The following ANTXR1 variants were observed in gnomAD, a reference collection of about 807,000 sequenced individuals.
The protein encoded by ANTXR1 is anthrax toxin receptor 1.
A neutral mutation model predicts 78.1 loss-of-function variants in ANTXR1; 19 were observed. The ratio of observed to expected loss-of-function variants is 0.24; its 90% confidence interval spans 0.17 to 0.36. The LOEUF is 0.36. Among genes scored for constraint, ANTXR1 ranks in the 10% least tolerant of loss-of-function variants. ANTXR1 has a pLI of 1.00. For missense variants in ANTXR1, 518 were observed against 718.6 expected (o/e 0.72, Z 3.19); for synonymous variants, 273 against 260.5 (o/e 1.05, Z -0.46).
chr2:69,180,108 T>C (rs1044912298), intron 14 of ANTXR1, among the ~76,000 whole-genome samples: 1 of 152,228 alleles, frequency 6.6e-6, no homozygotes, highest in Non-Finnish European at 1.5e-5. Flanking sequence ...AAGCACAACA[T>C]GTAACTCAGG....
At chr2:69,075,499 A>C in intron 6 of ANTXR1, 91 bp from the exon 7 acceptor site, 1 of 1,234,558 alleles carries the variant, frequency 8.1e-7, no homozygotes, top group Non-Finnish European at 1.2e-6. Flanking sequence ...TGCTCATTAA[A>C]TACCTCATCA....
intron 12 of ANTXR1, chr2:69,146,288 T>C (rs1170234424): frequency 1.0e-6 from 1 of 985,326 alleles, no homozygotes; most frequent in East Asian, 1.1e-4. Context: ...CCAGCTCCAG[T>C]TGCTCATCTG....
At chr2:69,215,341 A>G (rs1253983694) in intron 17 of ANTXR1, among the ~76,000 whole-genome samples, 2 of 152,244 alleles carry the variant, frequency 1.3e-5, no homozygotes, top group African/African-American at 2.4e-5. Flanking sequence ...TATAGCCTTC[A>G]TCTGGCTGAA....
At chr2:69,047,984 T>C (rs1669822143) in intron 3 of ANTXR1, among the ~76,000 whole-genome samples, 1 of 152,300 alleles carries the variant, frequency 6.6e-6, no homozygotes, top group South Asian at 2.1e-4. Flanking sequence ...CTTCATCAGT[T>C]TAAATAGTTG....
intron 8 of ANTXR1, among the ~76,000 whole-genome samples, chr2:69,081,361 C>A (rs770242201): frequency 1.3e-5 from 2 of 152,170 alleles, no homozygotes; most frequent in African/African-American, 4.8e-5. Context: ...TCATCAAATC[C>A]CCAGATGCTC....
At chr2:69,190,625 G>T (rs1327292970) in intron 16 of ANTXR1, among the ~76,000 whole-genome samples, 2 of 152,130 alleles carry the variant, frequency 1.3e-5, no homozygotes, top group Non-Finnish European at 2.9e-5. Context: ...GAAAAGTAAG[G>T]CTTAGGGAGA....
chr2:69,207,755 A>G (rs1674943385), intron 17 of ANTXR1, among the ~76,000 whole-genome samples: 1 of 152,098 alleles, frequency 6.6e-6, no homozygotes, highest in Non-Finnish European at 1.5e-5. Flanking sequence ...TATAGCTTGT[A>G]CCCACATTCA....
chr2:69,096,670 A>G (rs899885160), intron 9 of ANTXR1, among the ~76,000 whole-genome samples: 4 of 152,190 alleles, frequency 2.6e-5, no homozygotes, highest in Admixed American at 6.5e-5. Context: ...TGCATTTTTT[A>G]ACTTAAATTT....
At chr2:69,245,100 A>T (rs920859516) in intron 17 of ANTXR1, 125 bp from the exon 18 acceptor site, 25 of 1,066,022 alleles carry the variant, frequency 2.3e-5, no homozygotes, top group African/African-American at 4.7e-5. Flanking sequence ...ACTATGTGCC[A>T]CTAGAGAGTT....
Position 69,193,377 on chromosome 2 carries a change from G to A in ANTXR1, c.1396G>A (p.Asp466Asn), listed in dbSNP as rs1210935932. 43 of 1,613,646 alleles carry A rather than the reference G, an allele frequency of 2.7e-5. No individual in the cohort carries two copies. The highest frequency in any genetic ancestry group is 3.3e-5 in the Non-Finnish European group (39 of 1,179,894). The change falls in exon 17 of 18, where the codon GAT (aspartate) becomes AAT (asparagine). Residue 466 changes from aspartate to asparagine, a missense_variant. Physicochemically the swap from Asp to Asn is conservative, Grantham distance 23 (BLOSUM62 1). Coordinates refer to ENST00000303714, the MANE Select transcript of ANTXR1 (RefSeq NM_032208.3). ...GTGGGTCCTACTGAGGAAAGGATAT[G>A]ATCGTGTGTCTGTGATGCGTCCACA... ...ALWVLLRKGY[D>N]RVSVMRPQPG...
intron 1 of ANTXR1, among the ~76,000 whole-genome samples, chr2:69,023,419 G>A (rs1671252315): frequency 6.6e-6 from 1 of 151,880 alleles, no homozygotes; most frequent in Non-Finnish European, 1.5e-5. Flanking sequence ...TGGTGGTGGT[G>A]ATAGTGATAG....
intron 3 of ANTXR1, among the ~76,000 whole-genome samples, chr2:69,051,751 T>G (rs1316117651): frequency 6.6e-6 from 1 of 152,096 alleles, no homozygotes; most frequent in Admixed American, 6.5e-5. Flanking sequence ...ACTGTTTTAT[T>G]TTAATTTCCA....
At chr2:69,146,184 G>A in intron 12 of ANTXR1, 1 of 985,372 alleles carries the variant, frequency 1.0e-6, no homozygotes, top group Non-Finnish European at 1.2e-6. Flanking sequence ...GTGAGCATTT[G>A]ACAAGACTTA....
intron 1 of ANTXR1, among the ~76,000 whole-genome samples, chr2:69,019,979 A>G (rs1194581110): frequency 1.3e-5 from 2 of 152,186 alleles, no homozygotes; most frequent in East Asian, 3.8e-4. Context: ...CTAATTTATC[A>G]TTGATGTGCA....
chr2:69,063,203 C>G (rs1320825662), intron 3 of ANTXR1, among the ~76,000 whole-genome samples: 1 of 151,936 alleles, frequency 6.6e-6, no homozygotes, highest in East Asian at 1.9e-4. Context: ...GAACCTCAAG[C>G]AGGACAAATG....
intron 8 of ANTXR1, among the ~76,000 whole-genome samples, chr2:69,087,327 G>A (rs1246788644): frequency 2.0e-5 from 3 of 152,164 alleles, no homozygotes; most frequent in African/African-American, 2.4e-5. Flanking sequence ...CTTTATGCTC[G>A]TACTTCAGGT....
chr2:69,095,305 TC>T (rs746668536), intron 9 of ANTXR1, among the ~76,000 whole-genome samples: 63 of 152,214 alleles, frequency 4.1e-4, no homozygotes, highest in Admixed American at 1.4e-3. Context: ...TGAAAATGTA[TC>T]AACACAAAAA....
intron 12 of ANTXR1, among the ~76,000 whole-genome samples, chr2:69,147,870 C>T (rs1306302696): frequency 6.6e-6 from 1 of 152,184 alleles, no homozygotes; most frequent in African/African-American, 2.4e-5. Flanking sequence ...TTTACCGAGG[C>T]TCACTGAATT....
At chr2:69,186,657 G>T (rs1674424683) in intron 16 of ANTXR1, among the ~76,000 whole-genome samples, 1 of 152,234 alleles carries the variant, frequency 6.6e-6, no homozygotes, top group Admixed American at 6.5e-5. Context: ...AAGAGCTGTA[G>T]CCCTGCAAAG....
Sources: gnomAD v4.1 joint callset for allele counts (sites outside exome capture counted in the v4.1 genomes callset) on GRCh38, gnomAD v4.1.1 for gene constraint, MANE v1.5 for transcripts, NCBI Gene and HGNC (gene_info 2026-07-23, HGNC 2026-07-21) for gene names.